Variants in PRRT4 observed in about 807,000 individuals in gnomAD.
The protein encoded by PRRT4 is proline-rich transmembrane protein 4.
A neutral mutation model predicts 55.6 loss-of-function variants in PRRT4; 59 were observed. That is an observed-to-expected ratio of 1.06 (90% CI 0.86 to 1.32). PRRT4 has a LOEUF of 1.32. PRRT4 is among the 40% of genes most tolerant of loss of function. The pLI, the probability that PRRT4 is intolerant of heterozygous loss-of-function variation, is 0.00. For synonymous variants in PRRT4, 606 were observed against 601.8 expected (o/e 1.01, Z -0.10); for missense variants, 1,217 against 1,222.0 (o/e 1.00, Z 0.06).
chr7:128,359,188 T>A (rs1158927201), exon 3 of PRRT4: 3 of 1,551,642 alleles, frequency 1.9e-6, no homozygotes, highest in Non-Finnish European at 2.6e-6. Context: ...CTTGTGGATG[T>A]AGTTTCACCT....
chr7:128,354,741 G>C (rs1797078296), intron 4 of PRRT4, among the ~76,000 whole-genome samples: 1 of 152,228 alleles, frequency 6.6e-6, no homozygotes, highest in Non-Finnish European at 1.5e-5. Flanking sequence ...GACAACTGGG[G>C]AGGGCAGAAA....
chr7:128,361,099 TCTCTCA>T (rs1334881998), intron 1 of PRRT4, among the ~76,000 whole-genome samples: 59 of 127,538 alleles, frequency 4.6e-4, no homozygotes, highest in Admixed American at 6.8e-4. Flanking sequence ...TCTCTCTCTC[TCTCTCA>T]CACACACACA....
chr7:128,358,198 T>C lies in PRRT4; in HGVS notation c.877+483A>G, dbSNP rs1193836843. ...TGTCCGTGTGCATGTTCTGAAAGGC[T>C]TTCTTGAACGAAGGTGGCATCTGCC... is the stretch of plus-strand genomic sequence containing the variant. On this transcript the variant is annotated intron_variant, in intron 4 of 4. Transcript: ENST00000535159. This position sits in a 1 kb window ranked among gnomAD's most constrained non-coding sequence, Gnocchi z 4.4. 6.6e-6 allele frequency among the ~76,000 whole-genome samples: 1 copy of C among 152,240 alleles called. No homozygotes were observed. Among genetic ancestry groups the C allele is most frequent in the Non-Finnish European group, 1.5e-5 (1 of 68,036 alleles).
At chr7:128,350,830 C>G (rs761279292), downstream of PRRT4, 2 of 1,547,598 alleles carry the variant, frequency 1.3e-6, no homozygotes, top group Non-Finnish European at 1.7e-6. Flanking sequence ...AGGGGCATAT[C>G]GCAGGGTAGC....
intron 4 of PRRT4, among the ~76,000 whole-genome samples, chr7:128,353,422 A>G (rs992416548): frequency 1.3e-5 from 2 of 152,014 alleles, no homozygotes; most frequent in Non-Finnish European, 2.9e-5. Flanking sequence ...CTCCATCTCA[A>G]GGAAAAGCCC....
chr7:128,354,568 AAAACACAC>A (rs1200669910), intron 4 of PRRT4, among the ~76,000 whole-genome samples: 1,987 of 121,352 alleles, frequency 0.016, 45 homozygotes, highest in African/African-American at 0.054. Flanking sequence ...TGGCTCAAAA[AAAACACAC>A]ACACACACAC....
At chr7:128,350,649 G>T, downstream of PRRT4, 1 of 749,138 alleles carries the variant, frequency 1.3e-6, no homozygotes, top group Non-Finnish European at 2.1e-6. Flanking sequence ...GAGGGCATCA[G>T]CACCCAGGGC....
At chr7:128,351,211 C>A (rs1231111316) in exon 5 of PRRT4, 4 of 1,540,314 alleles carry the variant, frequency 2.6e-6, no homozygotes, top group African/African-American at 2.7e-5. Flanking sequence ...CGCAGCGGGG[C>A]CAGAGGCCTC....
chr7:128,351,752 G>C, exon 5 of PRRT4: 1 of 1,452,960 alleles, frequency 6.9e-7, no homozygotes, highest in Non-Finnish European at 9.0e-7. Flanking sequence ...CGCAGGCCTA[G>C]CTGGAAGGCC....
chr7:128,350,653 C>A, downstream of PRRT4: 1 of 781,946 alleles, frequency 1.3e-6, no homozygotes, highest in Non-Finnish European at 2.0e-6. Context: ...GCATCAGCAC[C>A]CAGGGCTCCA....
exon 5 of PRRT4, chr7:128,350,926 T>C: frequency 6.4e-7 from 1 of 1,550,904 alleles, no homozygotes; most frequent in Non-Finnish European, 8.7e-7. Flanking sequence ...GAACTGCTCC[T>C]GCAGCAAGGC....
At position 128,351,468 on chromosome 7, in the gene PRRT4, GC is replaced by G; in HGVS notation, c.2087del (p.Gly696AlafsTer195). The G allele has an allele frequency of 6.6e-7, 1 of 1,521,200 alleles. No homozygotes were observed. The allele number at this position is 1,521,200 out of a possible 1,614,324, so 94.2% of individuals were successfully genotyped here. A position where few individuals can be genotyped will look rare whatever the true frequency, so the allele number is the denominator to read the frequency against. ...CCGGGTTGGCCGCCGCGCCTTCGAAGCCCCGGCAACCTCCGCCCTGGAGTAG... is the reference window on the plus strand; with the variant it reads ...CCGGGTTGGCCGCCGCGCCTTCGAAGCCCGGCAACCTCCGCCCTGGAGTAG... On this transcript the variant is annotated frameshift_variant, in exon 5 of 5. Transcript: ENST00000535159. LOFTEE classifies it high-confidence loss of function.
intron 4 of PRRT4, among the ~76,000 whole-genome samples, chr7:128,355,265 T>C (rs546805401): frequency 1.3e-5 from 2 of 152,216 alleles, no homozygotes; most frequent in Non-Finnish European, 2.9e-5. Flanking sequence ...TGGCATGATC[T>C]CAGCTCACTG....
chr7:128,352,134 C>G, exon 5 of PRRT4: 2 of 1,273,622 alleles, frequency 1.6e-6, no homozygotes, highest in South Asian at 5.0e-5. Context: ...CCAGCCCCAG[C>G]CCCAGGAGCA....
At chr7:128,360,987 G>GCACACA in intron 1 of PRRT4, among the ~76,000 whole-genome samples, 1 of 145,024 alleles carries the variant, frequency 6.9e-6, no homozygotes, top group Non-Finnish European at 1.5e-5. Flanking sequence ...ACGCGCGCGC[G>GCACACA]CACACACACA....
intron 4 of PRRT4, 128 bp from the exon 6 acceptor site, chr7:128,352,806 A>G: frequency 1.1e-6 from 1 of 889,082 alleles, no homozygotes; most frequent in Non-Finnish European, 1.6e-6. Flanking sequence ...TACATATGAG[A>G]CTCACCCCAC....
In PRRT4 at chr7:128,352,012, GC is replaced by G; in HGVS notation, c.1543del (p.Ala515ArgfsTer56). On this transcript the variant is annotated frameshift_variant, in exon 5 of 5. Transcript: ENST00000535159. LOFTEE classifies it high-confidence loss of function. Reference sequence around the variant, plus strand: ...CCGCCGCCCGCCCCAGCAGGAGAGCGCCAGCAGCAGCCCGGAAAGGAAAGCG... The same window carrying G: ...CCGCCGCCCGCCCCAGCAGGAGAGCGCAGCAGCAGCCCGGAAAGGAAAGCG... 7.6e-7 allele frequency: 1 copy of G among 1,313,602 alleles called. No homozygotes were observed. The highest frequency in any genetic ancestry group is 2.0e-5 in the South Asian group (1 of 51,278). The allele number at this position is 1,313,602 out of a possible 1,614,324, so 81.4% of individuals were successfully genotyped here.
At chr7:128,359,510 A>G in exon 2 of PRRT4, 2 of 1,469,414 alleles carry the variant, frequency 1.4e-6, no homozygotes, top group Non-Finnish European at 1.8e-6. Context: ...AAGTGCTGTC[A>G]CCATCAGAGC....
In PRRT4 at chr7:128,352,218, G is replaced by A. The variant is rs1486447400; in HGVS notation, c.1338C>T (p.Ala446=). 8.5e-6 allele frequency: 13 copies of A among 1,529,546 alleles called. No homozygotes were observed. In the South Asian group the frequency reaches 1.1e-4, roughly 13 times the overall value. 94.7% of individuals were successfully genotyped at this position (1,529,546 alleles called of 1,614,324 possible). ...GCAGCAGGCAGGCCAGCCCCAGGCC[G>A]GCAGCCAAGCAGGGCAGCGGAAGGT... The change falls in exon 5 of 5, where the codon GCC becomes GCT. Residue 446 remains alanine, a synonymous_variant. Coordinates refer to ENST00000535159, the Ensembl canonical transcript of PRRT4.
Sources: gnomAD v4.1 joint callset for allele counts (sites outside exome capture counted in the v4.1 genomes callset) on GRCh38, gnomAD v4.1.1 for gene constraint, Gnocchi (gnomAD v3.1) non-coding constraint, MANE v1.5 for transcripts, NCBI Gene and HGNC (gene_info 2026-07-23, HGNC 2026-07-21) for gene names.